The following FAF1 variants were observed in gnomAD, a reference collection of about 807,000 sequenced individuals.
FAF1 encodes Fas associated factor 1.
In FAF1, 25 loss-of-function variants were observed where a neutral mutation model predicts 92.5. That is an observed-to-expected ratio of 0.27 (90% CI 0.20 to 0.38). FAF1 has a LOEUF of 0.38. Ranked by LOEUF, FAF1 falls within the 10% of genes least tolerant of loss-of-function variation. FAF1 has a pLI of 1.00. For synonymous variants in FAF1, 234 were observed against 273.2 expected (o/e 0.86, Z 1.42); for missense variants, 636 against 793.3 (o/e 0.80, Z 2.38).
intron 12 of FAF1, among the ~76,000 whole-genome samples, chr1:50,580,723 C>T (rs918372831): frequency 2.6e-5 from 4 of 152,152 alleles, no homozygotes; most frequent in Non-Finnish European, 5.9e-5. Flanking sequence ...AAGAGCATAA[C>T]AAAGTTAACA....
intron 8 of FAF1, among the ~76,000 whole-genome samples, chr1:50,602,688 G>A (rs1362037377): frequency 6.6e-6 from 1 of 151,856 alleles, no homozygotes; most frequent in African/African-American, 2.4e-5. Context: ...TTTTTGTAGA[G>A]ATGGGGTTTC....
intron 1 of FAF1, among the ~76,000 whole-genome samples, chr1:50,927,973 G>C (rs12078434): frequency 0.086 from 13,138 of 152,194 alleles, 586 homozygotes; most frequent in African/African-American, 0.098. Context: ...AAACTATACT[G>C]TTAGGATTTG....
chr1:50,795,339 G>C (rs1356717224), intron 3 of FAF1, among the ~76,000 whole-genome samples: 1 of 152,230 alleles, frequency 6.6e-6, no homozygotes, highest in East Asian at 1.9e-4. Flanking sequence ...CAATGCATCT[G>C]TCAGGACCAC....
intron 9 of FAF1, among the ~76,000 whole-genome samples, chr1:50,595,035 C>A (rs1651730713): frequency 6.6e-6 from 1 of 151,666 alleles, no homozygotes. Flanking sequence ...ATTATGCCAT[C>A]ACTATTATTA....
chr1:50,746,271 TATATATATATATATATA>T (rs1557506483), intron 4 of FAF1, among the ~76,000 whole-genome samples: 2 of 24,870 alleles, frequency 8.0e-5, no homozygotes, highest in Non-Finnish European at 1.4e-4. Context: ...TATATATATA[TATATATATATATATATA>T]TATATTTTTT....
At chr1:50,741,653 C>T (rs1285268075) in intron 5 of FAF1, among the ~76,000 whole-genome samples, 1 of 152,172 alleles carries the variant, frequency 6.6e-6, no homozygotes, top group Admixed American at 6.5e-5. Flanking sequence ...AACTGAAATA[C>T]TAAAAAGTGG....
At chr1:50,473,099 T>TTA (rs1646596597) in intron 18 of FAF1, among the ~76,000 whole-genome samples, 1 of 152,154 alleles carries the variant, frequency 6.6e-6, no homozygotes, top group African/African-American at 2.4e-5. Context: ...TTACTGATGC[T>TTA]TATATATGAA....
chr1:50,940,848 T>C (rs1645126924), intron 1 of FAF1, among the ~76,000 whole-genome samples: 1 of 152,130 alleles, frequency 6.6e-6, no homozygotes, highest in African/African-American at 2.4e-5. Context: ...AAGCTCTCAT[T>C]TTTTGGGAAG....
intron 2 of FAF1, among the ~76,000 whole-genome samples, chr1:50,833,075 G>T (rs1019350046): frequency 6.6e-6 from 1 of 151,752 alleles, no homozygotes; most frequent in African/African-American, 2.4e-5. Flanking sequence ...CCAATCCTCT[G>T]AACACCAACT....
intron 15 of FAF1, among the ~76,000 whole-genome samples, chr1:50,522,782 T>C (rs1431449734): frequency 6.6e-6 from 1 of 152,180 alleles, no homozygotes; most frequent in East Asian, 1.9e-4. Flanking sequence ...TAACATACAA[T>C]ATAGTATTTT....
chr1:50,576,762 C>G (rs1172957744), intron 12 of FAF1, among the ~76,000 whole-genome samples: 1 of 151,870 alleles, frequency 6.6e-6, no homozygotes, highest in African/African-American at 2.4e-5. Flanking sequence ...CCTGATTCAG[C>G]CTCTTGAGTA....
At chr1:50,618,450 A>T (rs1653036941) in intron 8 of FAF1, among the ~76,000 whole-genome samples, 1 of 124,648 alleles carries the variant, frequency 8.0e-6, no homozygotes, top group Non-Finnish European at 1.6e-5. Flanking sequence ...TTCAGTAGAG[A>T]TGGGGATTTA....
chr1:50,610,204 A>G (rs1198514502), intron 8 of FAF1, among the ~76,000 whole-genome samples: 1 of 152,176 alleles, frequency 6.6e-6, no homozygotes, highest in East Asian at 1.9e-4. Context: ...AAATATATGT[A>G]TTACCTGTTT....
chr1:50,714,807 CTCTG>C (rs1358635099), intron 6 of FAF1, among the ~76,000 whole-genome samples: 1 of 152,134 alleles, frequency 6.6e-6, no homozygotes, highest in African/African-American at 2.4e-5. Context: ...TAACTCTAAG[CTCTG>C]TCTATTTTCC....
chr1:50,480,934 G>T (rs889787473), intron 17 of FAF1, among the ~76,000 whole-genome samples: 2 of 152,096 alleles, frequency 1.3e-5, no homozygotes, highest in Non-Finnish European at 2.9e-5. Context: ...ATGTGAATAT[G>T]GAAGACAATG....
At chr1:50,580,891 C>T (rs1178543796) in intron 12 of FAF1, among the ~76,000 whole-genome samples, 1 of 152,142 alleles carries the variant, frequency 6.6e-6, no homozygotes, top group Non-Finnish European at 1.5e-5. Context: ...CCTGCCTCAG[C>T]CCCCCAAGTA....
chr1:50,936,683 A>T (rs973122519), intron 1 of FAF1, among the ~76,000 whole-genome samples: 1 of 152,198 alleles, frequency 6.6e-6, no homozygotes, highest in African/African-American at 2.4e-5. Flanking sequence ...TTAGCAGCTT[A>T]TATTTAATGG....
intron 1 of FAF1, among the ~76,000 whole-genome samples, chr1:50,875,160 T>G (rs1435013812): frequency 6.6e-6 from 1 of 152,136 alleles, no homozygotes; most frequent in African/African-American, 2.4e-5. Context: ...TATTGTTTTG[T>G]TACAAAAGTA....
At chr1:50,639,078 T>C (rs749312707) in intron 8 of FAF1, among the ~76,000 whole-genome samples, 1 of 152,230 alleles carries the variant, frequency 6.6e-6, no homozygotes, top group Admixed American at 6.5e-5. Flanking sequence ...CACACAGTGA[T>C]GTAGTCTTTG....
Sources: allele counts gnomAD v4.1 joint callset (sites outside exome capture counted in the v4.1 genomes callset), GRCh38; gene constraint gnomAD v4.1.1; transcripts MANE v1.5; gene names NCBI Gene and HGNC (gene_info 2026-07-23, HGNC 2026-07-21).